The following TRNAU1AP variants were observed in gnomAD, a reference collection of about 807,000 sequenced individuals.
TRNAU1AP encodes the protein tRNA selenocysteine 1-associated protein 1.
Under a neutral mutation model 43.3 loss-of-function variants are expected in TRNAU1AP, and 33 were observed. The ratio of observed to expected loss-of-function variants is 0.76; its 90% CI spans 0.58 to 1.02. The LOEUF (loss-of-function observed/expected upper bound fraction) is 1.02, where lower values mean the gene tolerates loss of function less well. TRNAU1AP is among the 50% of genes least tolerant of loss of function. The probability of loss-of-function intolerance (pLI) is 0.00; values close to 1 mark genes in which losing one functional copy is unlikely to be tolerated. For synonymous variants in TRNAU1AP, 143 were observed against 129.1 expected (o/e 1.11, Z -0.73); for missense variants, 290 against 362.7 (o/e 0.80, Z 1.63).
At chr1:28,558,558 T>A (rs969356723) in intron 2 of TRNAU1AP, among the ~76,000 whole-genome samples, 2 of 128,394 alleles carry the variant, frequency 1.6e-5, no homozygotes, top group South Asian at 2.3e-4. Flanking sequence ...TACGCCCGAC[T>A]AATTTTTTTT....
rs1234823283 is a variant in TRNAU1AP, at chr1:28,561,854, C to T, written c.278+456C>T. 5.3e-5 allele frequency among the ~76,000 whole-genome samples: 8 copies of T among 152,140 alleles called. No homozygotes were observed. In the East Asian group the frequency reaches 5.8e-4, roughly 11 times the overall value. ...TTGGGAGGCCAAGGCGGGCGGATCA[C>T]GAGGTCAGGAGATCGAGACCATCCT... On this transcript the variant is annotated intron_variant, in intron 4 of 8. Transcript: ENST00000373830.
Position 28,567,331 on chromosome 1 carries a change from C to A in TRNAU1AP, c.448C>A (p.Gln150Lys). 6.2e-7 allele frequency: 1 copy of A among 1,613,796 alleles called. No individual in the cohort carries two copies. The highest frequency in any genetic ancestry group is 8.5e-7 in the Non-Finnish European group (1 of 1,179,946). ...GFVKFTDELE[Q>K]KRALTECQGA... The stretch of plus-strand genomic sequence containing the variant: ...TGTGAAATTCACAGATGAACTGGAA[C>A]AGAAGCGAGCCCTGACGGAGTGCCA... Residue 150 changes from glutamine (Q) to lysine (K), a missense_variant, in exon 6 of 9, where the codon CAG (glutamine) becomes AAG (lysine). Around this residue, in one of 3 missense-constraint regions of TRNAU1AP, gnomAD observed 174 missense variants for 262.1 expected, o/e 0.66. Transcript: ENST00000373830.
intron 1 of TRNAU1AP, 136 bp downstream of exon 1, chr1:28,553,273 A>G: frequency 9.3e-7 from 1 of 1,070,252 alleles, no homozygotes; most frequent in Non-Finnish European, 1.3e-6. Flanking sequence ...TTGGTGACAC[A>G]GAAGCGGGTT....
At position 28,553,973 on chromosome 1, in the gene TRNAU1AP, G is replaced by GGATC; in HGVS notation, c.125+237_125+240dup. The GGATC allele has an allele frequency of 1.5e-5, 6 of 392,314 alleles. No individual in the cohort carries two copies. In the South Asian group the frequency reaches 1.6e-4, roughly 10 times the overall value. 24.3% of individuals were successfully genotyped at this position (392,314 alleles called of 1,614,324 possible). A position where few individuals can be genotyped will look rare whatever the true frequency, so the allele number is the denominator to read the frequency against. On this transcript the variant is annotated intron_variant, in intron 2 of 8. Coordinates refer to ENST00000373830, the MANE Select transcript of TRNAU1AP (RefSeq NM_017846.5). ...AGCACTTTGGGAGGCTGAGGTGGGT[G>GGATC]GATCACCTGAGGTCAGGAGTTTGAG...
intron 6 of TRNAU1AP, among the ~76,000 whole-genome samples, chr1:28,569,439 C>G (rs1353387406): frequency 6.6e-6 from 1 of 151,962 alleles, no homozygotes; most frequent in East Asian, 1.9e-4. Context: ...TGCCTGTAAT[C>G]CCAGCACTTT....
At position 28,577,583 on chromosome 1, in the gene TRNAU1AP, T is replaced by C. The variant is rs1665824348; in HGVS notation, c.811T>C (p.Cys271Arg). ...SEELYDALMD[C>R]HWQPLDTVSS... ...GGAGCTGTATGACGCTCTGATGGACTGTCACTGGCAGCCCCTGGACACAGT... is the reference window on the plus strand; with the variant it reads ...GGAGCTGTATGACGCTCTGATGGACCGTCACTGGCAGCCCCTGGACACAGT... The change falls in exon 9 of 9, where the codon TGT (cysteine) becomes CGT (arginine). Residue 271 changes from cysteine to arginine, a missense_variant. Cys to Arg is a radical substitution (Grantham distance 180). Around this residue, in one of 3 missense-constraint regions of TRNAU1AP, gnomAD observed 57 missense variants for 55.1 expected, o/e 1.03. Coordinates refer to ENST00000373830, the MANE Select transcript of TRNAU1AP (RefSeq NM_017846.5). 9 of 1,614,058 alleles carry C rather than the reference T, an allele frequency of 5.6e-6. No homozygotes were observed. The highest frequency in any genetic ancestry group is 1.7e-5 in the Admixed American group (1 of 59,990).
chr1:28,578,544 T>C lies in TRNAU1AP; in HGVS notation c.*908T>C. ...AAAAATACAAACACAAATATACTTT[T>C]ATTAGTCTTTTTATTCTTCTTTTAT... On this transcript the variant is annotated 3_prime_UTR_variant, in exon 9 of 9. Transcript: ENST00000373830. The C allele has an allele frequency of 2.9e-6, 1 of 347,770 alleles. No individual in the cohort carries two copies. The allele number at this position is 347,770 out of a possible 1,614,324, so 21.5% of individuals were successfully genotyped here.
At chr1:28,568,173 AG>A (rs1433834541) in intron 6 of TRNAU1AP, among the ~76,000 whole-genome samples, 2 of 152,202 alleles carry the variant, frequency 1.3e-5, no homozygotes, top group African/African-American at 2.4e-5. Context: ...CAAATAAAAA[AG>A]AAAAATTTTC....
At chr1:28,558,215 A>ATTT (rs1187371829) in intron 2 of TRNAU1AP, among the ~76,000 whole-genome samples, 10 of 110,582 alleles carry the variant, frequency 9.0e-5, no homozygotes, top group South Asian at 3.0e-4. Flanking sequence ...TAATTTTTGT[A>ATTT]TTTTTTTTTT....
At chr1:28,565,179 T>C (rs1665509670) in intron 5 of TRNAU1AP, 1 of 283,974 alleles carries the variant, frequency 3.5e-6, no homozygotes, top group South Asian at 3.2e-5. Flanking sequence ...AGCCTTTCAG[T>C]GTAGTTAGAA....
intron 4 of TRNAU1AP, among the ~76,000 whole-genome samples, chr1:28,563,970 C>T (rs1428758611): frequency 6.6e-6 from 1 of 151,950 alleles, no homozygotes; most frequent in East Asian, 1.9e-4. Flanking sequence ...CACAAGCTCG[C>T]AGTGGTTTAA....
intron 8 of TRNAU1AP, among the ~76,000 whole-genome samples, chr1:28,573,036 C>CTTT (rs534588648): frequency 3.7e-5 from 5 of 133,746 alleles, no homozygotes; most frequent in Non-Finnish European, 6.4e-5. Flanking sequence ...TTTTCTTTTT[C>CTTT]TTTTTTTTTT....
chr1:28,564,279 G>A (rs1420512578), intron 4 of TRNAU1AP, among the ~76,000 whole-genome samples: 2 of 152,110 alleles, frequency 1.3e-5, no homozygotes, highest in Non-Finnish European at 2.9e-5. Flanking sequence ...AAAAAGATTG[G>A]GGATTTAATT....
At chr1:28,571,056 C>T (rs1278858894) in intron 6 of TRNAU1AP, 120 bp from the exon 7 acceptor site, 10 of 953,754 alleles carry the variant, frequency 1.0e-5, no homozygotes, top group Non-Finnish European at 1.5e-5. Flanking sequence ...CAGAGCAAGA[C>T]TCTGTCTCAA....
At position 28,564,806 on chromosome 1, in the gene TRNAU1AP, G is replaced by T; in HGVS notation, c.382G>T (p.Val128Leu). ...KVYPSCRGGK[V>L]VLDQTGVSKG... Reference sequence around the variant, plus strand: ...CTACCCCTCCTGTCGGGGAGGCAAGGTGGTTTTGGACCAGACAGGCGTGTC... The same window carrying T: ...CTACCCCTCCTGTCGGGGAGGCAAGTTGGTTTTGGACCAGACAGGCGTGTC... The change falls in exon 5 of 9, where the codon GTG becomes TTG. Residue 128 changes from valine to leucine, a missense_variant. Around this residue, in one of 3 missense-constraint regions of TRNAU1AP, gnomAD observed 174 missense variants for 262.1 expected, o/e 0.66. Coordinates refer to ENST00000373830, the MANE Select transcript of TRNAU1AP (RefSeq NM_017846.5). 1 of 1,614,092 alleles carries T rather than the reference G, an allele frequency of 6.2e-7. No individual in the cohort carries two copies. Among genetic ancestry groups the T allele is most frequent in the Non-Finnish European group, 8.5e-7 (1 of 1,180,004 alleles).
chr1:28,563,643 C>T (rs1026924549), intron 4 of TRNAU1AP, among the ~76,000 whole-genome samples: 6 of 151,150 alleles, frequency 4.0e-5, no homozygotes, highest in African/African-American at 1.5e-4. Context: ...GAGATTGCGC[C>T]ACTTCACTCC....
At chr1:28,561,964 C>A (rs1179590776) in intron 4 of TRNAU1AP, among the ~76,000 whole-genome samples, 1 of 149,912 alleles carries the variant, frequency 6.7e-6, no homozygotes, top group Non-Finnish European at 1.5e-5. Context: ...CCCAGCTACT[C>A]AGGAGGCTGA....
At chr1:28,574,103 C>T (rs1231309465) in intron 8 of TRNAU1AP, among the ~76,000 whole-genome samples, 2 of 131,498 alleles carry the variant, frequency 1.5e-5, no homozygotes, top group South Asian at 2.3e-4. Context: ...TTTTGGGAGA[C>T]GGAGTCTTGC....
At chr1:28,567,574 C>T (rs940797170) in intron 6 of TRNAU1AP, among the ~76,000 whole-genome samples, 161 bp downstream of exon 6, 3 of 152,044 alleles carry the variant, frequency 2.0e-5, no homozygotes, top group Admixed American at 1.3e-4. Flanking sequence ...GCTGTGGGTG[C>T]TGGGGTTGAA....
Sources: allele counts gnomAD v4.1 joint callset (sites outside exome capture counted in the v4.1 genomes callset), GRCh38; gene constraint gnomAD v4.1.1; regional missense constraint gnomAD v4.1.1; transcripts MANE v1.5; gene names NCBI Gene and HGNC (gene_info 2026-07-23, HGNC 2026-07-21).